LHFPL3: variants seen among roughly 807,000 people sequenced by gnomAD.
LHFPL3 encodes LHFPL tetraspan subfamily member 3, also known as LHFPL tetraspan subfamily member 3 protein.
In LHFPL3, 5 loss-of-function variants were observed where a neutral mutation model predicts 19.3. The observed-to-expected ratio is 0.26, with a 90% CI of 0.14 to 0.54. LHFPL3 has a LOEUF of 0.54. Among genes scored for constraint, LHFPL3 ranks in the 20% least tolerant of loss-of-function variants. The pLI is 0.94. For missense variants in LHFPL3, 249 were observed against 307.4 expected, an observed-to-expected ratio of 0.81 and a Z score of 1.42; for synonymous variants, 133 against 126.2, an observed-to-expected ratio of 1.05 and a Z score of -0.36.
At chr7:104,548,830 T>C (rs1377327263) in intron 1 of LHFPL3, among the ~76,000 whole-genome samples, 3 of 152,260 alleles carry the variant, frequency 2.0e-5, no homozygotes, top group Non-Finnish European at 4.4e-5. Context: ...CTAGGGAGGA[T>C]TTGAGGCAAC....
intron 1 of LHFPL3, among the ~76,000 whole-genome samples, chr7:104,622,092 C>G (rs140167745): frequency 3.9e-5 from 6 of 152,212 alleles, no homozygotes; most frequent in African/African-American, 1.4e-4. Context: ...ACAATATCCC[C>G]CCATCCCACC....
chr7:104,352,750 A>G (rs1440625191), intron 1 of LHFPL3, among the ~76,000 whole-genome samples: 3 of 152,200 alleles, frequency 2.0e-5, no homozygotes, highest in African/African-American at 7.2e-5. Flanking sequence ...GTTTCTCCAC[A>G]CTTTTCTTTC....
intron 1 of LHFPL3, among the ~76,000 whole-genome samples, chr7:104,608,782 G>A (rs1392289864): frequency 1.3e-5 from 2 of 152,264 alleles, no homozygotes; most frequent in East Asian, 3.9e-4. Flanking sequence ...CAGTCAGTCC[G>A]CTACTGAGTT....
intron 1 of LHFPL3, among the ~76,000 whole-genome samples, chr7:104,453,148 T>TA (rs1792473368): frequency 6.6e-6 from 1 of 151,546 alleles, no homozygotes; most frequent in Non-Finnish European, 1.5e-5. Flanking sequence ...TTGTGTAAAA[T>TA]AAAAATCATA....
At chr7:104,845,818 A>G (rs1001216011) in intron 2 of LHFPL3, among the ~76,000 whole-genome samples, 1 of 152,176 alleles carries the variant, frequency 6.6e-6, no homozygotes, top group Non-Finnish European at 1.5e-5. Flanking sequence ...TCTCTGTACA[A>G]ACCTTGTCCT....
chr7:104,653,858 C>G (rs1792076914), intron 1 of LHFPL3, among the ~76,000 whole-genome samples: 1 of 152,198 alleles, frequency 6.6e-6, no homozygotes, highest in Non-Finnish European at 1.5e-5. Flanking sequence ...TTGGCATCCC[C>G]CCAAATCCAC....
intron 2 of LHFPL3, among the ~76,000 whole-genome samples, chr7:104,904,234 A>AT (rs573249173): frequency 2.0e-5 from 3 of 152,292 alleles, no homozygotes; most frequent in East Asian, 3.9e-4. Context: ...TGTGGATACG[A>AT]TTTTTTTAAG....
At chr7:104,345,436 A>G (rs941600996) in intron 1 of LHFPL3, among the ~76,000 whole-genome samples, 5 of 152,108 alleles carry the variant, frequency 3.3e-5, no homozygotes, top group African/African-American at 1.2e-4. Flanking sequence ...TAATTTGGTT[A>G]CCAAGTTTGT....
intron 2 of LHFPL3, among the ~76,000 whole-genome samples, chr7:104,789,474 C>G (rs1259624489): frequency 6.6e-6 from 1 of 152,106 alleles, no homozygotes; most frequent in Non-Finnish European, 1.5e-5. Context: ...CAGTCTTCAG[C>G]TATCTTCATG....
intron 2 of LHFPL3, among the ~76,000 whole-genome samples, chr7:104,756,467 T>C (rs1009608625): frequency 2.0e-5 from 3 of 152,134 alleles, no homozygotes; most frequent in Non-Finnish European, 4.4e-5. Flanking sequence ...GAAATGTGTA[T>C]CTATATTACA....
At chr7:104,346,603 AAACTAT>A (rs1790071588) in intron 1 of LHFPL3, among the ~76,000 whole-genome samples, 1 of 152,258 alleles carries the variant, frequency 6.6e-6, no homozygotes, top group African/African-American at 2.4e-5. Flanking sequence ...TTTCTGAGAT[AAACTAT>A]ATTAGGAGCA....
chr7:104,668,335 A>G, intron 1 of LHFPL3: 3 of 1,596,162 alleles, frequency 1.9e-6, no homozygotes, highest in Non-Finnish European at 2.6e-6. Context: ...GACAAAACAG[A>G]TACAGACTGG....
intron 1 of LHFPL3, among the ~76,000 whole-genome samples, chr7:104,720,042 A>AG (rs1793458125): frequency 6.6e-6 from 1 of 152,226 alleles, no homozygotes; most frequent in African/African-American, 2.4e-5. Context: ...ATTACAAAAA[A>AG]GCCTAGGCAG....
intron 2 of LHFPL3, among the ~76,000 whole-genome samples, chr7:104,851,939 T>C (rs1791421419): frequency 6.6e-6 from 1 of 152,050 alleles, no homozygotes; most frequent in South Asian, 2.1e-4. Flanking sequence ...GCTGGGTCCT[T>C]CCATCATTCC....
At chr7:104,534,427 C>T in intron 1 of LHFPL3, among the ~76,000 whole-genome samples, 1 of 152,210 alleles carries the variant, frequency 6.6e-6, no homozygotes. Flanking sequence ...ATCTCGGCTC[C>T]TGCTTCAGCA....
intron 1 of LHFPL3, among the ~76,000 whole-genome samples, chr7:104,735,629 G>C (rs769615498): frequency 3.3e-5 from 5 of 152,226 alleles, no homozygotes; most frequent in African/African-American, 7.2e-5. Flanking sequence ...GCTTTGCTTG[G>C]CTAGGAAAGG....
rs922922361 is a variant in LHFPL3 at position 104,830,946 on chromosome 7, C to A, written c.683-75241C>A. Among the ~76,000 whole-genome samples, 9 of 151,970 alleles carry A rather than the reference C, an allele frequency of 5.9e-5. No homozygotes were observed. In the South Asian group the frequency reaches 1.0e-3, roughly 18 times the overall value. ...CTGGGACAGTCCTGGTCGGTTTACACCTGCTGGCTTGACATAATTGTTAAT... is the reference window on the plus strand; with the variant it reads ...CTGGGACAGTCCTGGTCGGTTTACAACTGCTGGCTTGACATAATTGTTAAT... On this transcript the variant is annotated intron_variant, in intron 2 of 2. Transcript: ENST00000424859.
intron 2 of LHFPL3, among the ~76,000 whole-genome samples, chr7:104,860,159 C>T (rs941171092): frequency 7.2e-6 from 1 of 138,918 alleles, no homozygotes; most frequent in African/African-American, 2.7e-5. Flanking sequence ...CCCCCAAATA[C>T]ACACACACAT....
At chr7:104,407,490 C>A (rs1215066813) in intron 1 of LHFPL3, among the ~76,000 whole-genome samples, 1 of 152,142 alleles carries the variant, frequency 6.6e-6, no homozygotes, top group Non-Finnish European at 1.5e-5. Flanking sequence ...AACCCCATCT[C>A]TACTAAAAAT....
Sources: allele counts gnomAD v4.1 joint callset (sites outside exome capture counted in the v4.1 genomes callset), GRCh38; gene constraint gnomAD v4.1.1; transcripts MANE v1.5; gene names NCBI Gene and HGNC (gene_info 2026-07-23, HGNC 2026-07-21).